KCNIP4: variants seen among roughly 807,000 people sequenced by gnomAD.
KCNIP4 encodes the protein Kv channel-interacting protein 4.
In KCNIP4, 12 loss-of-function variants were observed where a neutral mutation model predicts 34.0. The ratio of observed to expected loss-of-function variants is 0.35; its 90% CI spans 0.23 to 0.57. The LOEUF (loss-of-function observed/expected upper bound fraction) is 0.57. Ranked by LOEUF, KCNIP4 falls within the 20% of genes least tolerant of loss-of-function variation. The pLI, the probability that KCNIP4 is intolerant of heterozygous loss-of-function variation, is 0.83. For missense variants in KCNIP4, 238 were observed against 311.7 expected, an observed-to-expected ratio of 0.76 and a Z score of 1.78; for synonymous variants, 124 against 102.2, an observed-to-expected ratio of 1.21 and a Z score of -1.29.
At chr4:21,498,670 A>C (rs1391272198) in intron 1 of KCNIP4, among the ~76,000 whole-genome samples, 1 of 152,206 alleles carries the variant, frequency 6.6e-6, no homozygotes, top group Non-Finnish European at 1.5e-5. Context: ...CTTGATGGAC[A>C]TATTTTTTTC....
chr4:21,696,813 AT>A (rs1712361018), intron 1 of KCNIP4, among the ~76,000 whole-genome samples: 1 of 152,144 alleles, frequency 6.6e-6, no homozygotes, highest in African/African-American at 2.4e-5. Context: ...TCACATGGAC[AT>A]TTTACTCTTC....
intron 1 of KCNIP4, among the ~76,000 whole-genome samples, chr4:21,908,660 G>C (rs1281893173): frequency 6.6e-6 from 1 of 152,202 alleles, no homozygotes; most frequent in Non-Finnish European, 1.5e-5. Context: ...TAATGAGATT[G>C]GAGAGGAAGT....
chr4:21,454,014 T>C (rs897700053), intron 1 of KCNIP4, among the ~76,000 whole-genome samples: 1 of 152,060 alleles, frequency 6.6e-6, no homozygotes. Flanking sequence ...ATTGGGATAA[T>C]GCATGGAGCC....
chr4:20,758,805 C>T lies in KCNIP4; in HGVS notation c.358+16G>A. On this transcript the variant is annotated intron_variant, in intron 4 of 8. Coordinates refer to ENST00000382152, the MANE Select transcript of KCNIP4 (RefSeq NM_025221.6). The stretch of plus-strand genomic sequence containing the variant: ...TAACTCTGATAGTATGTTAACAAGT[C>T]CACATTTGTACTTACCTCCCTGTGG... The T allele has an allele frequency of 6.3e-7, 1 of 1,598,304 alleles. No individual in the cohort carries two copies. Among genetic ancestry groups the T allele is most frequent in the African/African-American group, 1.3e-5 (1 of 74,670 alleles).
intron 1 of KCNIP4, among the ~76,000 whole-genome samples, chr4:21,490,862 G>A (rs1235239164): frequency 6.6e-6 from 1 of 152,076 alleles, no homozygotes; most frequent in Non-Finnish European, 1.5e-5. Context: ...GTGTGTCTGA[G>A]TGGGTGGCCA....
intron 1 of KCNIP4, among the ~76,000 whole-genome samples, chr4:21,859,817 C>G (rs1724969875): frequency 1.3e-5 from 2 of 152,010 alleles, no homozygotes; most frequent in Non-Finnish European, 2.9e-5. Flanking sequence ...TCGCTTGAGC[C>G]CGGGAGTTGG....
chr4:21,195,080 C>A (rs1461906490), intron 1 of KCNIP4, among the ~76,000 whole-genome samples: 1 of 152,174 alleles, frequency 6.6e-6, no homozygotes, highest in Non-Finnish European at 1.5e-5. Flanking sequence ...CCTCTATATT[C>A]TCCTGGGAAT....
At position 21,291,864 on chromosome 4, in the gene KCNIP4, AAAAAAAGAAAG is replaced by A. The variant is rs1560259634; in HGVS notation, c.62-409166_62-409156del. Among the ~76,000 whole-genome samples the A allele has an allele frequency of 4.7e-4, 32 of 68,138 alleles. 2 individuals are homozygous for A. Among genetic ancestry groups the A allele is most frequent in the Non-Finnish European group, 7.6e-4 (25 of 32,996 alleles). 44.7% of individuals were successfully genotyped at this position (68,138 alleles called of 152,430 possible). On this transcript the variant is annotated intron_variant, in intron 1 of 8. Coordinates refer to ENST00000382152, the MANE Select transcript of KCNIP4 (RefSeq NM_025221.6). The stretch of plus-strand genomic sequence containing the variant: ...GTTAGACTCCGCCTCAAAAAAAAAA[AAAAAAAGAAAG>A]AAAGAAAGAAAGAAAGAAAGAAAGA...
At chr4:21,480,176 A>G (rs573167779) in intron 1 of KCNIP4, among the ~76,000 whole-genome samples, 5 of 152,046 alleles carry the variant, frequency 3.3e-5, no homozygotes, top group Non-Finnish European at 5.9e-5. Context: ...CTAAAAAGTC[A>G]AATAAAATTG....
intron 5 of KCNIP4, among the ~76,000 whole-genome samples, chr4:20,744,746 AC>A (rs1752038619): frequency 1.3e-5 from 2 of 152,298 alleles, no homozygotes; most frequent in South Asian, 4.1e-4. Flanking sequence ...TTGCACATGT[AC>A]CCTAGAACTT....
intron 1 of KCNIP4, among the ~76,000 whole-genome samples, chr4:20,953,298 A>G (rs367718182): frequency 1.3e-5 from 2 of 152,112 alleles, no homozygotes; most frequent in African/African-American, 4.8e-5. Context: ...ACCTTTTTGT[A>G]GTATCTGTCT....
chr4:21,337,057 T>TG (rs999424208), intron 1 of KCNIP4, among the ~76,000 whole-genome samples: 2 of 150,790 alleles, frequency 1.3e-5, no homozygotes, highest in African/African-American at 4.9e-5. Flanking sequence ...GCATGGCAGG[T>TG]GGGGTCGTAA....
chr4:20,799,741 A>G lies in KCNIP4; in HGVS notation c.289-40851T>C, dbSNP rs77127128. ...GGGTCCAAACTCCACACTATGTGCT[A>G]TCTCATCCCTCAGATCCTGAGCTGC... On this transcript the variant is annotated intron_variant, in intron 3 of 8. Coordinates refer to ENST00000382152, the MANE Select transcript of KCNIP4 (RefSeq NM_025221.6). Among the ~76,000 whole-genome samples, 15 of 152,216 alleles carry G rather than the reference A, an allele frequency of 9.9e-5. No individual in the cohort carries two copies. The East Asian group carries it at 2.1e-3, about 22-fold the overall frequency.
intron 1 of KCNIP4, among the ~76,000 whole-genome samples, chr4:21,030,268 C>T (rs776540960): frequency 7.2e-5 from 11 of 152,236 alleles, no homozygotes; most frequent in Non-Finnish European, 1.5e-4. Context: ...CAAGGGATCT[C>T]GGTTGTGTGC....
At chr4:20,801,493 A>G (rs1379704414) in intron 3 of KCNIP4, among the ~76,000 whole-genome samples, 1 of 152,082 alleles carries the variant, frequency 6.6e-6, no homozygotes, top group Non-Finnish European at 1.5e-5. Context: ...CAGCTACAAT[A>G]AGTTGTTAAG....
At chr4:21,115,657 T>A (rs1030592528) in intron 1 of KCNIP4, among the ~76,000 whole-genome samples, 3 of 152,174 alleles carry the variant, frequency 2.0e-5, no homozygotes, top group African/African-American at 7.2e-5. Flanking sequence ...TTCTGTTCTA[T>A]AGTGAAAGAC....
chr4:21,772,753 C>T (rs1001100232), intron 1 of KCNIP4, among the ~76,000 whole-genome samples: 4 of 152,024 alleles, frequency 2.6e-5, no homozygotes, highest in African/African-American at 9.7e-5. Context: ...TATTTCTGTG[C>T]AGTCAGTGAC....
intron 1 of KCNIP4, among the ~76,000 whole-genome samples, chr4:21,499,625 C>T (rs374638135): frequency 1.3e-5 from 2 of 152,034 alleles, no homozygotes; most frequent in Middle Eastern, 7.1e-3. Context: ...CATAAATTTA[C>T]ATGAAGTAGA....
chr4:21,140,706 A>G (rs1241805083), intron 1 of KCNIP4, among the ~76,000 whole-genome samples: 5 of 152,100 alleles, frequency 3.3e-5, no homozygotes, highest in African/African-American at 9.7e-5. Flanking sequence ...CCAGTTTTCC[A>G]GTCTTTTTTC....
Sources: allele counts gnomAD v4.1 joint callset (sites outside exome capture counted in the v4.1 genomes callset), GRCh38; gene constraint gnomAD v4.1.1; transcripts MANE v1.5; gene names NCBI Gene and HGNC (gene_info 2026-07-23, HGNC 2026-07-21).